Variants in DMD observed in about 807,000 individuals in gnomAD.
DMD encodes the protein mutant dystrophin.
In DMD, 63 loss-of-function variants were observed where a neutral mutation model predicts 330.1. That is an observed-to-expected ratio of 0.19 (90% confidence interval 0.16 to 0.24). DMD has a LOEUF of 0.24. Ranked by LOEUF, DMD falls within the 10% of genes least tolerant of loss-of-function variation. The pLI is 1.00. For synonymous variants in DMD, 1,223 were observed against 959.8 expected, an observed-to-expected ratio of 1.27 and a Z score of -5.07; for missense variants, 3,344 against 2,684.1, an observed-to-expected ratio of 1.25 and a Z score of -5.43.
rs144046785 is a variant in DMD at position 32,731,851 on chromosome X, G to C, written c.650-32558C>G. Among the ~76,000 whole-genome samples, 731 of 112,071 alleles carry C rather than the reference G, an allele frequency of 6.5e-3. 10 individuals are homozygous for C. Among genetic ancestry groups the C allele is most frequent in the African/African-American group, 0.023 (703 of 30,806 alleles). On this transcript the variant is annotated intron_variant, in intron 7 of 78. Coordinates refer to ENST00000357033, the MANE Select transcript of DMD (RefSeq NM_004006.3). ...AAAACTGGAAACTCTAAAAAGCAGA[G>C]CACCTCTCCTCCTCCAAAGGAACAC...
chrX:32,174,540 C>T (rs181923630), intron 44 of DMD, among the ~76,000 whole-genome samples: 3 of 112,054 alleles, frequency 2.7e-5, no homozygotes, highest in East Asian at 2.8e-4. Flanking sequence ...AACATTCTAA[C>T]AGCAGAGTTG....
intron 44 of DMD, among the ~76,000 whole-genome samples, chrX:32,063,211 C>T (rs1169275186): frequency 2.7e-5 from 3 of 110,258 alleles, no homozygotes; most frequent in Non-Finnish European, 3.8e-5. Context: ...CACACACACA[C>T]ACATGATTAT....
At chrX:32,609,558 G>A (rs1036474651) in intron 12 of DMD, among the ~76,000 whole-genome samples, 2 of 111,178 alleles carry the variant, frequency 1.8e-5, no homozygotes, top group African/African-American at 3.3e-5. Flanking sequence ...GCAATGGAAT[G>A]AAATGAAATG....
At chrX:32,516,206 A>G (rs16990419) in intron 18 of DMD, among the ~76,000 whole-genome samples, 6,865 of 111,885 alleles carry the variant, frequency 0.061, 528 homozygotes, top group African/African-American at 0.21. Context: ...ATGGATACCT[A>G]AACTGAATAT....
intron 55 of DMD, among the ~76,000 whole-genome samples, chrX:31,615,895 G>A (rs2078170179): frequency 8.9e-6 from 1 of 111,778 alleles, no homozygotes; most frequent in Admixed American, 9.5e-5. Context: ...ATAAAAATAA[G>A]CCTGAAAATA....
At chrX:31,141,738 T>C (rs1347555035) in intron 76 of DMD, among the ~76,000 whole-genome samples, 3 of 111,445 alleles carry the variant, frequency 2.7e-5, no homozygotes, top group South Asian at 3.8e-4. Flanking sequence ...GATTAGGCTA[T>C]ATTTTTATTT....
intron 44 of DMD, among the ~76,000 whole-genome samples, chrX:32,174,000 TATAGAA>T (rs2096897485): frequency 8.9e-6 from 1 of 112,332 alleles, no homozygotes; most frequent in African/African-American, 3.2e-5. Flanking sequence ...TGTTAATTGT[TATAGAA>T]AGAGTAGACA....
chrX:32,343,131 T>G lies in DMD; in HGVS notation c.5739+3A>C. ...TGGTATTGACATTCTAAAACAACAT[T>G]ACCTTTATTTTCCTTTCATCTCTGG... is the stretch of plus-strand genomic sequence containing the variant. On this transcript the variant is annotated splice_donor_region_variant and intron_variant, in intron 40 of 78. Coordinates refer to ENST00000357033, the MANE Select transcript of DMD (RefSeq NM_004006.3). 8.3e-7 allele frequency: 1 copy of G among 1,209,125 alleles called. No individual in the cohort carries two copies. Among genetic ancestry groups the G allele is most frequent in the Non-Finnish European group, 1.1e-6 (1 of 893,494 alleles).
intron 1 of DMD, among the ~76,000 whole-genome samples, chrX:33,032,542 G>A (rs547061512): frequency 1.8e-4 from 20 of 111,801 alleles, no homozygotes; most frequent in Middle Eastern, 4.8e-3. Context: ...AAAATAAGCT[G>A]AAGAATGGGT....
Position 32,733,167 on chromosome X carries a change from G to A in DMD, c.650-33874C>T, listed in dbSNP as rs756469425. On this transcript the variant is annotated intron_variant, in intron 7 of 78. Coordinates refer to ENST00000357033, the MANE Select transcript of DMD (RefSeq NM_004006.3). Reference sequence around the variant, plus strand: ...AACAAAGATCAAAAGAGACAAAGAAGGCCATTACATAATGGTAAAGGAATC... The same window carrying A: ...AACAAAGATCAAAAGAGACAAAGAAAGCCATTACATAATGGTAAAGGAATC... Among the ~76,000 whole-genome samples, 54 of 109,892 alleles carry A rather than the reference G, an allele frequency of 4.9e-4. 1 individual carries two copies. The highest frequency in any genetic ancestry group is 8.5e-4 in the East Asian group (3 of 3,512).
At chrX:32,373,470 A>G (rs1385013234) in intron 34 of DMD, among the ~76,000 whole-genome samples, 1 of 111,154 alleles carries the variant, frequency 9.0e-6, no homozygotes, top group East Asian at 2.8e-4. Flanking sequence ...CAATTACTCA[A>G]CTCTGCTGTT....
At chrX:31,644,217 C>T (rs748376015) in intron 54 of DMD, among the ~76,000 whole-genome samples, 5 of 111,498 alleles carry the variant, frequency 4.5e-5, no homozygotes, top group Non-Finnish European at 9.4e-5. Flanking sequence ...TATGTTAATA[C>T]GCTAATAAAA....
intron 2 of DMD, among the ~76,000 whole-genome samples, chrX:33,004,621 G>A (rs35349122): frequency 0.048 from 5,322 of 109,887 alleles, 162 homozygotes; most frequent in East Asian, 0.2. Context: ...TTTTACTTGT[G>A]TATTTTTTTA....
At chrX:33,176,449 T>C (rs1337181482) in intron 1 of DMD, among the ~76,000 whole-genome samples, 1 of 106,689 alleles carries the variant, frequency 9.4e-6, no homozygotes, top group Admixed American at 1.0e-4. Context: ...GGTATACGTA[T>C]AATTATATTG....
chrX:31,600,284 G>A (rs1411732322), intron 55 of DMD, among the ~76,000 whole-genome samples: 1 of 111,349 alleles, frequency 9.0e-6, no homozygotes, highest in Admixed American at 9.6e-5. Context: ...CCAGCAAATG[G>A]CAGATACTCC....
chrX:31,332,186 T>G (rs2057165554), intron 61 of DMD, among the ~76,000 whole-genome samples: 1 of 111,923 alleles, frequency 8.9e-6, no homozygotes, highest in African/African-American at 3.3e-5. Context: ...CCAGGTTGCT[T>G]CTGATCCTTT....
rs2055435210 is a variant in DMD at position 32,595,668 on chromosome X, T to C, written c.1602+89A>G. 29 of 899,199 alleles carry C rather than the reference T, an allele frequency of 3.2e-5. No homozygotes were observed. In the South Asian group the frequency reaches 5.5e-4, roughly 17 times the overall value. The allele number at this position is 899,199 out of a possible 1,213,427, so 74.1% of individuals were successfully genotyped here. A position where few individuals can be genotyped will look rare whatever the true frequency, so the allele number is the denominator to read the frequency against. On this transcript the variant is annotated intron_variant, in intron 13 of 78. Coordinates refer to ENST00000357033, the MANE Select transcript of DMD (RefSeq NM_004006.3). ...ATATTGTATTCTAAGTATTTTAATA[T>C]ATAAATTGCATTCTAAATTTTTAAA...
intron 47 of DMD, among the ~76,000 whole-genome samples, chrX:31,897,869 A>G (rs2094365911): frequency 9.1e-6 from 1 of 109,975 alleles, no homozygotes; most frequent in South Asian, 3.9e-4. Flanking sequence ...CCCATTTTGT[A>G]GGTTGCCTGT....
intron 55 of DMD, among the ~76,000 whole-genome samples, chrX:31,573,523 T>C (rs753033887): frequency 8.9e-6 from 1 of 112,127 alleles, no homozygotes; most frequent in Non-Finnish European, 1.9e-5. Flanking sequence ...CTGGTTAACA[T>C]TCTGTTTATC....
Sources: allele counts gnomAD v4.1 joint callset (sites outside exome capture counted in the v4.1 genomes callset), GRCh38; gene constraint gnomAD v4.1.1; transcripts MANE v1.5; gene names NCBI Gene and HGNC (gene_info 2026-07-23, HGNC 2026-07-21).